Variants in SHCBP1 observed in about 807,000 individuals in gnomAD.
SHCBP1 encodes SHC SH2 domain-binding protein 1.
Under a neutral mutation model 75.1 loss-of-function variants are expected in SHCBP1, and 60 were observed. The ratio of observed to expected loss-of-function variants is 0.80; its 90% CI spans 0.65 to 0.99. The LOEUF is 0.99. Among genes scored for constraint, SHCBP1 ranks in the 50% least tolerant of loss-of-function variants. The pLI is 0.00. For synonymous variants in SHCBP1, 290 were observed against 293.2 expected (o/e 0.99, Z 0.11); for missense variants, 709 against 809.4 (o/e 0.88, Z 1.50).
intron 1 of SHCBP1, 111 bp from the exon 2 acceptor site, chr16:46,618,483 G>T: frequency 8.4e-7 from 1 of 1,197,546 alleles, no homozygotes; most frequent in South Asian, 1.9e-5. Flanking sequence ...ATTTGAATAT[G>T]AATAGTCTAC....
chr16:46,613,988 C>T (rs975513849), intron 4 of SHCBP1, among the ~76,000 whole-genome samples: 1 of 152,180 alleles, frequency 6.6e-6, no homozygotes, highest in African/African-American at 2.4e-5. Flanking sequence ...TATTTTTCCA[C>T]GAACTTCTAT....
chr16:46,606,759 C>A (rs114190502), intron 5 of SHCBP1, among the ~76,000 whole-genome samples: 2 of 151,446 alleles, frequency 1.3e-5, no homozygotes, highest in Non-Finnish European at 2.9e-5. Flanking sequence ...AGCCCATTTA[C>A]GAAGAGCTAA....
At chr16:46,596,415 G>A (rs185936318) in intron 9 of SHCBP1, among the ~76,000 whole-genome samples, 6 of 152,016 alleles carry the variant, frequency 3.9e-5, no homozygotes, top group Non-Finnish European at 7.4e-5. Flanking sequence ...GTTGAGGCAG[G>A]AGAATTGCTT....
chr16:46,587,728 C>T (rs576240785), intron 10 of SHCBP1, among the ~76,000 whole-genome samples: 1 of 152,070 alleles, frequency 6.6e-6, no homozygotes, highest in Non-Finnish European at 1.5e-5. Context: ...GACTTTAACA[C>T]CCCACTGTCA....
chr16:46,588,939 C>T (rs932047339), intron 10 of SHCBP1, among the ~76,000 whole-genome samples: 5 of 152,040 alleles, frequency 3.3e-5, no homozygotes, highest in Admixed American at 2.6e-4. Context: ...ACTGGCAAAC[C>T]GAATCCAGCA....
intron 4 of SHCBP1, among the ~76,000 whole-genome samples, chr16:46,609,442 CTTTTTTTTTTTTTT>C (rs71158875): frequency 3.3e-5 from 2 of 61,332 alleles, no homozygotes; most frequent in East Asian, 6.3e-4. Context: ...CTTTTCTTTT[CTTTTTTTTTTTTTT>C]TTTTTTTTTT....
chr16:46,619,057 T>C (rs142002808), intron 1 of SHCBP1, among the ~76,000 whole-genome samples: 5 of 152,336 alleles, frequency 3.3e-5, no homozygotes, highest in African/African-American at 1.2e-4. Context: ...AGAGTCTTAA[T>C]AATCCATAAG....
In SHCBP1 at chr16:46,600,549, TTCTAAC is replaced by T. The variant is rs556730347; in HGVS notation, c.1214-593_1214-588del. 4.6e-5 allele frequency among the ~76,000 whole-genome samples: 7 copies of T among 152,336 alleles called. No individual in the cohort carries two copies. The East Asian group carries it at 7.7e-4, about 17-fold the overall frequency. On this transcript the variant is annotated intron_variant, in intron 8 of 12. Transcript: ENST00000303383. ...AAAGCACTCACCCTTAGAAGTTTGTTTCTAACTCTAACATTCTATGATTCTAATATA... is the reference window on the plus strand; with the variant it reads ...AAAGCACTCACCCTTAGAAGTTTGTTTCTAACATTCTATGATTCTAATATA...
rs1445561242 is a variant in SHCBP1 at position 46,581,971 on chromosome 16, T to C, written c.1777A>G (p.Thr593Ala). 4 of 1,614,112 alleles carry C rather than the reference T, an allele frequency of 2.5e-6. No homozygotes were observed. Among genetic ancestry groups the C allele is most frequent in the Admixed American group, 1.7e-5 (1 of 60,010 alleles). Residue 593 changes from threonine to alanine, a missense_variant, in exon 13 of 13, where the codon ACT (threonine) becomes GCT (alanine). Physicochemically the swap from Thr to Ala is moderately conservative, Grantham distance 58. Transcript: ENST00000303383. ...VDLEELIECA[T>A]GKMELCARTD... ...CTTGCACAAAGCTCCATTTTACCAG[T>C]TGCACACTCAATCAGCTCTTCTAGA...
chr16:46,595,648 C>A lies in SHCBP1; in HGVS notation c.1368G>T (p.Thr456=), dbSNP rs1214934816. 1 of 1,614,008 alleles carries A rather than the reference C, an allele frequency of 6.2e-7. No individual in the cohort carries two copies. The highest frequency in any genetic ancestry group is 1.1e-5 in the South Asian group (1 of 91,056). Residue 456 remains threonine (T), a synonymous_variant, in exon 10 of 13, where the codon ACG becomes ACT. Transcript: ENST00000303383. ...GILIVHRGKT[T]LENCVLQCET... ...CACACTGCAGCACACAGTTTTCCAG[C>A]GTAGTCTTACCACGGTGAACAACTG...
At position 46,616,001 on chromosome 16, in the gene SHCBP1, C is replaced by T; in HGVS notation, c.541G>A (p.Val181Met). 6.2e-7 allele frequency: 1 copy of T among 1,614,166 alleles called. No individual in the cohort carries two copies. The highest frequency in any genetic ancestry group is 8.5e-7 in the Non-Finnish European group (1 of 1,180,030). The stretch of plus-strand genomic sequence containing the variant: ...TCAAACACTCCTGAATCATCAAACA[C>T]CACCCACAGCTCCTGCAGGGGCAAC... ...HRLPLQELWV[V>M]FDDSGVFDQT... is the part of the protein sequence containing the mutation. Residue 181 changes from valine to methionine, a missense_variant, in exon 4 of 13, where the codon GTG becomes ATG. Physicochemically the swap from Val to Met is conservative, Grantham distance 21 (BLOSUM62 1). Coordinates refer to ENST00000303383, the MANE Select transcript of SHCBP1 (RefSeq NM_024745.5). This position sits in a 1 kb window ranked among gnomAD's most constrained non-coding sequence, Gnocchi z 4.4.
Position 46,581,598 on chromosome 16 carries a change from T to G in SHCBP1, c.*131A>C. On this transcript the variant is annotated 3_prime_UTR_variant, in exon 13 of 13. Coordinates refer to ENST00000303383, the MANE Select transcript of SHCBP1 (RefSeq NM_024745.5). The stretch of plus-strand genomic sequence containing the variant: ...TGCAACACCTGCAAATGGAAATAAA[T>G]CTACCTTTCACTCAAGCCCAAATAA... 1.2e-6 allele frequency: 1 copy of G among 820,650 alleles called. No homozygotes were observed. The highest frequency in any genetic ancestry group is 2.4e-4 in the Middle Eastern group (1 of 4,200). 50.8% of individuals were successfully genotyped at this position (820,650 alleles called of 1,614,324 possible).
rs374919534 is a variant in SHCBP1 at position 46,579,196 on chromosome 16, A to G, written c.*2533T>C. 2.1e-4 allele frequency among the ~76,000 whole-genome samples: 32 copies of G among 152,304 alleles called. No homozygotes were observed. In the East Asian group the frequency reaches 6.2e-3, roughly 29 times the overall value. On this transcript the variant is annotated 3_prime_UTR_variant, in exon 13 of 13. Transcript: ENST00000303383. ...AGTGGACCATAAGGACAGGACACACAATTAGTCAACACAGAAGGCTATCCT... is the reference window on the plus strand; with the variant it reads ...AGTGGACCATAAGGACAGGACACACGATTAGTCAACACAGAAGGCTATCCT...
At chr16:46,596,572 A>C (rs1965146840) in intron 9 of SHCBP1, among the ~76,000 whole-genome samples, 1 of 151,646 alleles carries the variant, frequency 6.6e-6, no homozygotes, top group African/African-American at 2.4e-5. Context: ...GCCTGCCACC[A>C]CACCCAGCTA....
chr16:46,598,495 G>A (rs1265976621), intron 9 of SHCBP1, among the ~76,000 whole-genome samples: 1 of 151,714 alleles, frequency 6.6e-6, no homozygotes, highest in African/African-American at 2.4e-5. Context: ...TCTCAATAAT[G>A]GGCCTAAAAT....
At chr16:46,621,178 C>T in intron 1 of SHCBP1, 79 bp downstream of exon 1, 1 of 1,354,882 alleles carries the variant, frequency 7.4e-7, no homozygotes, top group Non-Finnish European at 1.0e-6. Context: ...AGGCCCGCGA[C>T]CCAGGCGCCC....
At chr16:46,593,496 T>C (rs928616559) in intron 10 of SHCBP1, among the ~76,000 whole-genome samples, 1 of 152,122 alleles carries the variant, frequency 6.6e-6, no homozygotes, top group Admixed American at 6.5e-5. Flanking sequence ...TTCGGGAGAC[T>C]GAAGCAGGAG....
At chr16:46,599,047 T>C (rs949030589) in intron 9 of SHCBP1, among the ~76,000 whole-genome samples, 3 of 152,220 alleles carry the variant, frequency 2.0e-5, no homozygotes, top group African/African-American at 7.2e-5. Flanking sequence ...ATTTAAGGAA[T>C]GTGGTGGCTG....
At chr16:46,605,498 G>A (rs1308260252) in intron 5 of SHCBP1, among the ~76,000 whole-genome samples, 1 of 152,106 alleles carries the variant, frequency 6.6e-6, no homozygotes, top group Non-Finnish European at 1.5e-5. Context: ...TGAGGTGGGA[G>A]GATGGCTTGA....
Sources: gnomAD v4.1 joint callset for allele counts (sites outside exome capture counted in the v4.1 genomes callset) on GRCh38, gnomAD v4.1.1 for gene constraint, Gnocchi (gnomAD v3.1) non-coding constraint, MANE v1.5 for transcripts, NCBI Gene and HGNC (gene_info 2026-07-23, HGNC 2026-07-21) for gene names.